CACNA1C: variants seen among roughly 807,000 people sequenced by gnomAD.
CACNA1C encodes the protein calcium voltage-gated channel subunit alpha1 C, also known as voltage-dependent L-type calcium channel subunit alpha-1C.
CACNA1C carries 30 observed loss-of-function variants against 229.0 expected under a neutral mutation model. That is an observed-to-expected ratio of 0.13 (90% CI 0.10 to 0.18). The LOEUF is 0.18. Among genes scored for constraint, CACNA1C ranks in the 10% least tolerant of loss-of-function variants. The pLI is 1.00. For missense variants in CACNA1C, 1,658 were observed against 2,845.0 expected, an observed-to-expected ratio of 0.58 and a Z score of 9.49; for synonymous variants, 1,114 against 1,132.5, an observed-to-expected ratio of 0.98 and a Z score of 0.33.
chr12:2,377,558 T>C (rs761858828), intron 3 of CACNA1C, among the ~76,000 whole-genome samples: 3 of 152,132 alleles, frequency 2.0e-5, no homozygotes, highest in African/African-American at 4.8e-5. Flanking sequence ...GCAATTTCGA[T>C]TGTGGGAAGA....
chr12:2,556,826 C>A (rs1356580679), intron 10 of CACNA1C, 125 bp from the exon 11 acceptor site: 2 of 780,660 alleles, frequency 2.6e-6, no homozygotes, highest in African/African-American at 3.4e-5. Flanking sequence ...TAGTTCACAC[C>A]ATGCCTCCTT....
chr12:2,177,620 C>CT (rs1566164985), intron 3 of CACNA1C, among the ~76,000 whole-genome samples: 18 of 113,706 alleles, frequency 1.6e-4, no homozygotes, highest in African/African-American at 5.3e-4. Flanking sequence ...TTCCTTCCTT[C>CT]CTTCCTTCTC....
rs747140717 is a variant in CACNA1C at position 2,651,559 on chromosome 12, C to T, written c.3946-81C>T. On this transcript the variant is annotated intron_variant, in intron 31 of 46. Coordinates refer to ENST00000399655, the MANE Select transcript of CACNA1C (RefSeq NM_000719.7). The surrounding 1 kb of genome is among the most constrained non-coding windows in gnomAD (Gnocchi z 5.4). ...TGCCTTCCGCCACTGCCACTGAGGT[C>T]TGTATTTCTCGGAGGGGCCCTCCTG... 2 of 1,610,272 alleles carry T rather than the reference C, an allele frequency of 1.2e-6. No homozygotes were observed. The highest frequency in any genetic ancestry group is 2.7e-5 in the African/African-American group (2 of 74,820).
intron 9 of CACNA1C, among the ~76,000 whole-genome samples, chr12:2,529,005 C>G (rs1311379653): frequency 2.0e-5 from 3 of 152,170 alleles, no homozygotes; most frequent in Non-Finnish European, 4.4e-5. Flanking sequence ...TGAAAAATGA[C>G]TTAAGCAACC....
Position 2,608,602 on chromosome 12 carries a change from A to G in CACNA1C, c.3448A>G (p.Ile1150Val). 2 of 1,611,592 alleles carry G rather than the reference A, an allele frequency of 1.2e-6. No homozygotes were observed. The highest frequency in any genetic ancestry group is 8.5e-7 in the Non-Finnish European group (1 of 1,177,776). The change falls in exon 27 of 47, where the codon ATC becomes GTC. Residue 1150 changes from isoleucine to valine, a missense_variant. This residue lies in a region of CACNA1C where 77 missense variants were observed against 130.9 expected (regional missense o/e 0.59). Coordinates refer to ENST00000399655, the MANE Select transcript of CACNA1C (RefSeq NM_000719.7). The surrounding 1 kb of genome is among the most constrained non-coding windows in gnomAD (Gnocchi z 4.2). ...GATCTCCATCTTCTTCATCATCTAC[A>G]TCATCATCATCGCCTTCTTCATGAT... ...VEISIFFIIY[I>V]IIIAFFMMNI...
At chr12:1,979,573 T>C (rs1417111303) in intron 1 of CACNA1C, among the ~76,000 whole-genome samples, 6 of 152,100 alleles carry the variant, frequency 3.9e-5, no homozygotes, top group South Asian at 2.1e-4. Context: ...CAGCCTCCCA[T>C]AGTGTTGGGA....
chr12:2,115,009 C>A (rs2083271496), intron 1 of CACNA1C, among the ~76,000 whole-genome samples: 1 of 152,352 alleles, frequency 6.6e-6, no homozygotes, highest in East Asian at 1.9e-4. Context: ...AGCGGAGTGA[C>A]ACGCCCAAGG....
intron 5 of CACNA1C, among the ~76,000 whole-genome samples, chr12:2,468,670 A>T (rs564859066): frequency 8.5e-5 from 13 of 152,208 alleles, no homozygotes; most frequent in Non-Finnish European, 1.6e-4. Flanking sequence ...TGCCTTATTT[A>T]TGTTTCAAGA....
intron 3 of CACNA1C, among the ~76,000 whole-genome samples, chr12:2,190,726 C>T (rs916750030): frequency 6.6e-6 from 1 of 152,144 alleles, no homozygotes; most frequent in African/African-American, 2.4e-5. Flanking sequence ...AGCAAGTCAC[C>T]CCCAGCAGCT....
rs902894979 is a variant in CACNA1C at position 2,610,923 on chromosome 12, G to A, written c.3717+224G>A. On this transcript the variant is annotated intron_variant, in intron 28 of 46. Coordinates refer to ENST00000399655, the MANE Select transcript of CACNA1C (RefSeq NM_000719.7). ...GATCAATGGAGAGAGGGGAGGAGATGGAGAAGGGAGGGTTGAGCTGAATGC... is the reference window on the plus strand; with the variant it reads ...GATCAATGGAGAGAGGGGAGGAGATAGAGAAGGGAGGGTTGAGCTGAATGC... 1.6e-4 allele frequency among the ~76,000 whole-genome samples: 24 copies of A among 152,212 alleles called. 1 individual carries two copies. The highest frequency in any genetic ancestry group is 5.9e-5 in the Non-Finnish European group (4 of 68,040).
chr12:2,117,628 C>A (rs185391498), intron 2 of CACNA1C, among the ~76,000 whole-genome samples: 2 of 152,348 alleles, frequency 1.3e-5, no homozygotes, highest in African/African-American at 4.8e-5. Context: ...CCATCCCACA[C>A]CCCATGCATC....
chr12:2,230,131 G>A (rs897686898), intron 3 of CACNA1C, among the ~76,000 whole-genome samples: 14 of 152,228 alleles, frequency 9.2e-5, no homozygotes, highest in Non-Finnish European at 2.1e-4. Flanking sequence ...CTCGCTGACT[G>A]TGCTCAGGAT....
intron 7 of CACNA1C, among the ~76,000 whole-genome samples, chr12:2,497,969 T>TCACA (rs3058710): frequency 0.017 from 2,492 of 143,994 alleles, 29 homozygotes; most frequent in Admixed American, 0.022. Flanking sequence ...TCTATTAAAT[T>TCACA]CACACACACA....
chr12:2,070,044 A>G (rs1443893074), intron 1 of CACNA1C, among the ~76,000 whole-genome samples: 1 of 151,992 alleles, frequency 6.6e-6, no homozygotes, highest in South Asian at 2.1e-4. Flanking sequence ...GCCTCAAGTG[A>G]TCTTCCCGCC....
intron 11 of CACNA1C, among the ~76,000 whole-genome samples, chr12:2,558,762 G>C (rs1216826845): frequency 6.6e-6 from 1 of 152,142 alleles, no homozygotes; most frequent in African/African-American, 2.4e-5. Context: ...GGGGACCCTG[G>C]TGTCTGACTT....
At chr12:2,320,864 AAC>A (rs2095952327) in intron 3 of CACNA1C, among the ~76,000 whole-genome samples, 1 of 152,040 alleles carries the variant, frequency 6.6e-6, no homozygotes, top group Admixed American at 6.5e-5. Context: ...GGTGCTTGGA[AAC>A]CCTCATTCCC....
chr12:2,617,149 A>C (rs1236679687), intron 29 of CACNA1C, among the ~76,000 whole-genome samples: 1 of 152,156 alleles, frequency 6.6e-6, no homozygotes, highest in African/African-American at 2.4e-5. Flanking sequence ...CCGGTCCCCC[A>C]CCTGTTGTCC....
chr12:2,011,820 A>T (rs571954664), intron 1 of CACNA1C, among the ~76,000 whole-genome samples: 1 of 152,244 alleles, frequency 6.6e-6, no homozygotes, highest in South Asian at 2.1e-4. Flanking sequence ...GGGAGAAAGG[A>T]ATGTTTCCCC....
intron 9 of CACNA1C, among the ~76,000 whole-genome samples, chr12:2,545,981 A>G (rs1189296503): frequency 1.3e-5 from 2 of 152,216 alleles, no homozygotes; most frequent in Admixed American, 6.5e-5. Context: ...TGGTGTCTTC[A>G]CATGCTTCCA....
Sources: gnomAD v4.1 joint callset for allele counts (sites outside exome capture counted in the v4.1 genomes callset) on GRCh38, gnomAD v4.1.1 for gene constraint, gnomAD v4.1.1 regional missense constraint, Gnocchi (gnomAD v3.1) non-coding constraint, MANE v1.5 for transcripts, NCBI Gene and HGNC (gene_info 2026-07-23, HGNC 2026-07-21) for gene names.